MID1: variants seen among roughly 807,000 people sequenced by gnomAD.
MID1 encodes the protein E3 ubiquitin-protein ligase Midline-1.
A neutral mutation model predicts 40.4 loss-of-function variants in MID1; 7 were observed. That is an observed-to-expected ratio of 0.17 (90% CI 0.10 to 0.33). MID1 has a LOEUF of 0.33. MID1 is among the 10% of genes least tolerant of loss of function. The pLI, the probability that MID1 is intolerant of heterozygous loss-of-function variation, is 1.00. For synonymous variants in MID1, 229 were observed against 221.2 expected (o/e 1.04, Z -0.31); for missense variants, 367 against 558.5 (o/e 0.66, Z 3.46).
rs750506306 is a variant in MID1, at chrX:10,449,684, G to A, written c.1688C>T (p.Pro563Leu). ...YAIGLAYKSA[P>L]KHEWIGKNSA... The stretch of plus-strand genomic sequence containing the variant: ...GTTCTTCCCAATCCATTCATGCTTC[G>A]GGGCTGATTTGTAAGCAAGACCAAT... Residue 563 changes from proline to leucine, a missense_variant, in exon 10 of 10, where the codon CCG becomes CTG. By Grantham distance (98) the Pro-to-Leu change is moderately conservative (BLOSUM62 -3). Transcript: ENST00000317552. 5.0e-6 allele frequency: 6 copies of A among 1,209,145 alleles called. No homozygotes were observed. The highest frequency in any genetic ancestry group is 3.0e-5 in the East Asian group (1 of 33,720).
At chrX:10,467,038 TG>T (rs1929423389) in intron 7 of MID1, among the ~76,000 whole-genome samples, 1 of 111,382 alleles carries the variant, frequency 9.0e-6, no homozygotes, top group South Asian at 3.8e-4. Context: ...TTGGGGATAC[TG>T]GGGCATTGTT....
At chrX:10,694,829 C>T (rs1348557109) in intron 1 of MID1, among the ~76,000 whole-genome samples, 2 of 112,165 alleles carry the variant, frequency 1.8e-5, no homozygotes, top group Non-Finnish European at 3.8e-5. Flanking sequence ...TTGACTCCAT[C>T]TTGCCCTTAA....
At chrX:10,481,482 C>T (rs1930321012) in intron 5 of MID1, among the ~76,000 whole-genome samples, 1 of 112,187 alleles carries the variant, frequency 8.9e-6, no homozygotes, top group South Asian at 3.7e-4. Context: ...CTCTGTTGCC[C>T]AGGCTGAAGT....
Position 10,822,327 on chromosome X carries a change from T to C in MID1, c.-187+11227A>G, listed in dbSNP as rs1156877267. 3.6e-5 allele frequency among the ~76,000 whole-genome samples: 4 copies of C among 111,675 alleles called. No individual in the cohort carries two copies. In the East Asian group the frequency reaches 8.4e-4, roughly 24 times the overall value. On this transcript the variant is annotated intron_variant, in intron 1 of 10. Coordinates refer to the MID1 transcript ENST00000380785. ...AACTGGACCCCTTCCTTATACCTTATACAAAAATCAACTCAAGATGGATTA... is the reference window on the plus strand; with the variant it reads ...AACTGGACCCCTTCCTTATACCTTACACAAAAATCAACTCAAGATGGATTA...
rs1486732610 is a variant in MID1, at chrX:10,593,799, ACAC to A, written c.-56-26199_-56-26197del. Among the ~76,000 whole-genome samples, 2 of 106,640 alleles carry A rather than the reference ACAC, an allele frequency of 1.9e-5. 1 individual carries two copies. Among genetic ancestry groups the A allele is most frequent in the Non-Finnish European group, 3.9e-5 (2 of 51,941 alleles). The allele number at this position is 106,640 out of a possible 115,157, so 92.6% of individuals were successfully genotyped here. ...CACACACACACACACACACACACAC[ACAC>A]ACCACTTTTTCTTTTGGGGAGAGGA... On this transcript the variant is annotated intron_variant, in intron 1 of 9. Transcript: ENST00000317552.
chrX:10,751,733 G>T (rs765592620), intron 1 of MID1, among the ~76,000 whole-genome samples: 2 of 112,060 alleles, frequency 1.8e-5, no homozygotes, highest in South Asian at 3.8e-4. Flanking sequence ...GTCAGCATTT[G>T]CCCTCTTTGG....
intron 1 of MID1, among the ~76,000 whole-genome samples, chrX:10,777,028 T>C (rs1022505132): frequency 9.0e-6 from 1 of 111,126 alleles, no homozygotes; most frequent in Non-Finnish European, 1.9e-5. Context: ...TAAATACATA[T>C]GGAAATAGCC....
At chrX:10,584,419 A>G (rs2147497106) in intron 1 of MID1, among the ~76,000 whole-genome samples, 1 of 112,286 alleles carries the variant, frequency 8.9e-6, no homozygotes, top group East Asian at 2.8e-4. Context: ...ACAGGAAGGA[A>G]ATGAATAGAG....
At chrX:10,703,661 T>C (rs778598317) in intron 1 of MID1, among the ~76,000 whole-genome samples, 1 of 111,684 alleles carries the variant, frequency 9.0e-6, no homozygotes, top group Admixed American at 9.5e-5. Flanking sequence ...AGTGAGAGTC[T>C]GTTTAAAAAA....
chrX:10,604,192 C>T (rs987704495), intron 1 of MID1, among the ~76,000 whole-genome samples: 2 of 111,046 alleles, frequency 1.8e-5, no homozygotes, highest in Non-Finnish European at 3.8e-5. Context: ...GAGCCAAAGG[C>T]TAAAAACAGT....
intron 1 of MID1, among the ~76,000 whole-genome samples, chrX:10,601,250 C>T (rs891605290): frequency 8.9e-6 from 1 of 112,062 alleles, no homozygotes; most frequent in African/African-American, 3.2e-5. Context: ...CTTTCTCAGT[C>T]ATTACCCTAG....
intron 2 of MID1, among the ~76,000 whole-genome samples, chrX:10,534,015 T>C (rs867907791): frequency 9.2e-6 from 1 of 108,204 alleles, no homozygotes; most frequent in Non-Finnish European, 1.9e-5. Flanking sequence ...TTTTTTTTTT[T>C]CCTCAATCAT....
At chrX:10,514,141 C>T (rs1386003077) in intron 3 of MID1, among the ~76,000 whole-genome samples, 1 of 111,846 alleles carries the variant, frequency 8.9e-6, no homozygotes, top group African/African-American at 3.3e-5. Flanking sequence ...GGTTTGTCTT[C>T]AGAGGCACGT....
At chrX:10,678,097 G>A (rs942719432) in intron 1 of MID1, among the ~76,000 whole-genome samples, 9 of 110,452 alleles carry the variant, frequency 8.1e-5, no homozygotes, top group African/African-American at 2.6e-4. Flanking sequence ...CCTTCAAAAG[G>A]AGCACTACTG....
intron 1 of MID1, among the ~76,000 whole-genome samples, chrX:10,569,040 A>C (rs1203674284): frequency 1.8e-5 from 2 of 111,715 alleles, no homozygotes; most frequent in African/African-American, 3.3e-5. Context: ...ATCCAAAGCT[A>C]TGTTTAGTGA....
chrX:10,589,453 T>G (rs925410384), intron 1 of MID1: 2 of 109,964 alleles, frequency 1.8e-5, no homozygotes, highest in African/African-American at 6.7e-5. Flanking sequence ...GCGGGCAAGT[T>G]CCCAAGACCA....
chrX:10,820,079 G>C (rs1409910140), intron 1 of MID1, among the ~76,000 whole-genome samples: 1 of 111,956 alleles, frequency 8.9e-6, no homozygotes, highest in Non-Finnish European at 1.9e-5. Flanking sequence ...TACCCTAACA[G>C]TTAGATAATA....
At position 10,469,976 on chromosome X, in the gene MID1, A is replaced by T. The variant is rs1342673833; in HGVS notation, c.1142-136T>A. 7.3e-6 allele frequency: 4 copies of T among 551,535 alleles called. No individual in the cohort carries two copies. In the Admixed American group the frequency reaches 9.7e-5, roughly 13 times the overall value. 45.5% of individuals were successfully genotyped at this position (551,535 alleles called of 1,213,427 possible). ...TACTATCCTAGAGATGGTGACCCCA[A>T]TCTAAAGAATATCTGATTGGCTGGT... is the stretch of plus-strand genomic sequence containing the variant. On this transcript the variant is annotated intron_variant, in intron 6 of 9. Coordinates refer to ENST00000317552, the MANE Select transcript of MID1 (RefSeq NM_000381.4).
chrX:10,815,803 G>T (rs185403000), intron 1 of MID1, among the ~76,000 whole-genome samples: 16 of 112,479 alleles, frequency 1.4e-4, no homozygotes, highest in Admixed American at 1.1e-3. Context: ...CCAAAGAAGA[G>T]TTTGTTTCAT....
Sources: gnomAD v4.1 joint callset for allele counts (sites outside exome capture counted in the v4.1 genomes callset) on GRCh38, gnomAD v4.1.1 for gene constraint, MANE v1.5 for transcripts, NCBI Gene and HGNC (gene_info 2026-07-23, HGNC 2026-07-21) for gene names.